The following MSH4 variants were observed in gnomAD, a reference collection of about 807,000 sequenced individuals.
The protein encoded by MSH4 is mutS protein homolog 4.
Under a neutral mutation model 113.7 loss-of-function variants are expected in MSH4, and 106 were observed. The observed-to-expected ratio is 0.93, with a 90% CI of 0.80 to 1.10. The LOEUF is 1.10. Among genes scored for constraint, MSH4 ranks in the 50% least tolerant of loss-of-function variants. The pLI, the probability that MSH4 is intolerant of heterozygous loss-of-function variation, is 0.00. For synonymous variants in MSH4, 368 were observed against 380.2 expected (o/e 0.97, Z 0.37); for missense variants, 1,061 against 1,093.7 (o/e 0.97, Z 0.42).
Position 75,803,735 on chromosome 1 carries a change from A to G in MSH4, c.249A>G (p.Ser83=), listed in dbSNP as rs1473893851. The stretch of plus-strand genomic sequence containing the variant: ...CTGTTAATTTTTCAAATTTAGGTTC[A>G]TACTTTGGAAACAAAAGAGCTTATG... ...PAPNSRPAQG[S]YFGNKRAYAE... Residue 83 remains serine, a synonymous_variant, in exon 2 of 20, where the codon TCA becomes TCG. Transcript: ENST00000263187. 1.3e-6 allele frequency: 2 copies of G among 1,567,026 alleles called. No individual in the cohort carries two copies. Among genetic ancestry groups the G allele is most frequent in the Non-Finnish European group, 1.7e-6 (2 of 1,161,382 alleles).
chr1:75,844,920 C>G (rs1358589769), intron 7 of MSH4, among the ~76,000 whole-genome samples: 3 of 152,198 alleles, frequency 2.0e-5, no homozygotes, highest in Non-Finnish European at 4.4e-5. Context: ...TGGTGAGGGC[C>G]TTCTTGATGC....
rs527628164 is a variant in MSH4 at position 75,829,917 on chromosome 1, G to A, written c.1162+7336G>A. On this transcript the variant is annotated intron_variant, in intron 7 of 19. Transcript: ENST00000263187. ...AGGAACGCAGCTCCTTGCCAGCAAC[G>A]GAACAAAGCTGGAAGGAGAATGACA... Among the ~76,000 whole-genome samples the A allele has an allele frequency of 7.6e-4, 115 of 152,224 alleles. 1 individual carries two copies. The highest frequency in any genetic ancestry group is 1.1e-3 in the Non-Finnish European group (74 of 68,014).
intron 8 of MSH4, among the ~76,000 whole-genome samples, chr1:75,858,228 T>G (rs1366191647): frequency 6.6e-6 from 1 of 152,222 alleles, no homozygotes; most frequent in Non-Finnish European, 1.5e-5. Flanking sequence ...CAATTTGACT[T>G]CCTCTCTTCC....
Position 75,860,552 on chromosome 1 carries a change from G to A in MSH4, c.1231-6962G>A, listed in dbSNP as rs186243440. Among the ~76,000 whole-genome samples, 149 of 152,260 alleles carry A rather than the reference G, an allele frequency of 9.8e-4. 1 individual carries two copies. The highest frequency in any genetic ancestry group is 3.4e-3 in the African/African-American group (143 of 41,546). ...TAGTTTGGCTGGATATGAAATTATG[G>A]GTTGAAAATTCTTTTCTTTAAGAAT... On this transcript the variant is annotated intron_variant, in intron 8 of 19. Transcript: ENST00000263187.
At position 75,889,194 on chromosome 1, in the gene MSH4, A is replaced by T. The variant is rs2100581635; in HGVS notation, c.2108-57A>T. ...AATAATCTGAGAAGTACAAAATGTT[A>T]TTAGTAATTATATTTTATAAACACA... On this transcript the variant is annotated intron_variant, in intron 15 of 19. Coordinates refer to ENST00000263187, the MANE Select transcript of MSH4 (RefSeq NM_002440.4). 1.2e-5 allele frequency: 10 copies of T among 813,064 alleles called. No homozygotes were observed. In the South Asian group the frequency reaches 1.6e-4, roughly 13 times the overall value. The allele number at this position is 813,064 out of a possible 1,614,324, so 50.4% of individuals were successfully genotyped here.
chr1:75,874,185 C>CT (rs1168826769), intron 9 of MSH4, among the ~76,000 whole-genome samples: 12 of 151,852 alleles, frequency 7.9e-5, no homozygotes, highest in Admixed American at 6.6e-4. Context: ...TGATATTGAG[C>CT]TTTTTTTTCA....
chr1:75,818,607 T>C (rs1650339164), intron 6 of MSH4, among the ~76,000 whole-genome samples: 1 of 152,224 alleles, frequency 6.6e-6, no homozygotes, highest in Non-Finnish European at 1.5e-5. Context: ...ATTATTGTTG[T>C]CATGATTCCC....
chr1:75,912,920 C>T lies in MSH4; in HGVS notation c.*33C>T. ...TCTAATGTAATAATATATCTTAATTCAAGGAACCTAGAATTTATTTTTCTC... is the reference window on the plus strand; with the variant it reads ...TCTAATGTAATAATATATCTTAATTTAAGGAACCTAGAATTTATTTTTCTC... On this transcript the variant is annotated 3_prime_UTR_variant, in exon 20 of 20. Coordinates refer to ENST00000263187, the MANE Select transcript of MSH4 (RefSeq NM_002440.4). 5.4e-6 allele frequency: 7 copies of T among 1,296,926 alleles called. No homozygotes were observed. Among genetic ancestry groups the T allele is most frequent in the Non-Finnish European group, 7.1e-6 (7 of 980,538 alleles). The allele number at this position is 1,296,926 out of a possible 1,614,324, so 80.3% of individuals were successfully genotyped here.
chr1:75,814,171 A>G (rs573755722), intron 4 of MSH4, among the ~76,000 whole-genome samples: 2 of 151,746 alleles, frequency 1.3e-5, no homozygotes, highest in African/African-American at 4.8e-5. Flanking sequence ...TCCATTATCA[A>G]CCGGGTGCTG....
intron 14 of MSH4, among the ~76,000 whole-genome samples, chr1:75,882,515 C>G (rs1388223849): frequency 6.6e-6 from 1 of 151,840 alleles, no homozygotes; most frequent in Non-Finnish European, 1.5e-5. Flanking sequence ...CTTCTCTATT[C>G]TCATTCTCTG....
At chr1:75,866,970 T>C (rs889891071) in intron 8 of MSH4, among the ~76,000 whole-genome samples, 8 of 152,126 alleles carry the variant, frequency 5.3e-5, no homozygotes, top group Non-Finnish European at 1.0e-4. Flanking sequence ...AATTCTAGAG[T>C]GCAATTTAAT....
intron 17 of MSH4, among the ~76,000 whole-genome samples, chr1:75,894,055 A>T (rs1652318738): frequency 6.6e-6 from 1 of 152,174 alleles, no homozygotes; most frequent in Non-Finnish European, 1.5e-5. Context: ...TTTTACCATG[A>T]CTATGAGAAA....
At chr1:75,870,145 C>T (rs1390602946) in intron 9 of MSH4, among the ~76,000 whole-genome samples, 1 of 152,208 alleles carries the variant, frequency 6.6e-6, no homozygotes, top group East Asian at 1.9e-4. Context: ...TTGACTGTCC[C>T]ACTGGATTTT....
chr1:75,807,148 A>T lies in MSH4; in HGVS notation c.588+7A>T. On this transcript the variant is annotated splice_region_variant and intron_variant, in intron 3 of 19. Coordinates refer to ENST00000263187, the MANE Select transcript of MSH4 (RefSeq NM_002440.4). Reference sequence around the variant, plus strand: ...CAACACAACATATGCAAAGGTAAGTATTAATAATTCTAGAAAATGGTTGCT... The same window carrying T: ...CAACACAACATATGCAAAGGTAAGTTTTAATAATTCTAGAAAATGGTTGCT... 6.5e-7 allele frequency: 1 copy of T among 1,529,528 alleles called. No individual in the cohort carries two copies. 94.7% of individuals were successfully genotyped at this position (1,529,528 alleles called of 1,614,324 possible). A position where few individuals can be genotyped will look rare whatever the true frequency, so the allele number is the denominator to read the frequency against.
chr1:75,905,736 G>T (rs1652612357), intron 19 of MSH4, among the ~76,000 whole-genome samples: 1 of 151,964 alleles, frequency 6.6e-6, no homozygotes, highest in Non-Finnish European at 1.5e-5. Context: ...GTCCACTGTT[G>T]GGTGAATATA....
chr1:75,898,054 A>G lies in MSH4; in HGVS notation c.2503A>G (p.Lys835Glu). 6.3e-7 allele frequency: 1 copy of G among 1,591,634 alleles called. No homozygotes were observed. ...EAILYTYKLS[K>E]GLTEEKNYGL... ...AATTTTGTATACCTACAAACTTTCT[A>G]AGGGACTCACAGAAGAGAAAAATTA... Residue 835 changes from lysine (K) to glutamate (E), a missense_variant, in exon 18 of 20, where the codon AAG (lysine) becomes GAG (glutamate). Transcript: ENST00000263187.
At chr1:75,865,996 C>A (rs1017766539) in intron 8 of MSH4, among the ~76,000 whole-genome samples, 1 of 152,066 alleles carries the variant, frequency 6.6e-6, no homozygotes, top group Admixed American at 6.6e-5. Context: ...AATCGAGTGC[C>A]CATATATATG....
intron 15 of MSH4, among the ~76,000 whole-genome samples, chr1:75,888,128 C>T (rs572401707): frequency 6.6e-6 from 1 of 150,874 alleles, no homozygotes; most frequent in Non-Finnish European, 1.5e-5. Flanking sequence ...ATTAATCTGA[C>T]TTTTGGTTTC....
At chr1:75,867,676 CAAG>C (rs1651617495) in intron 9 of MSH4, 88 bp downstream of exon 9, 1 of 796,814 alleles carries the variant, frequency 1.3e-6, no homozygotes, top group Admixed American at 2.7e-5. Context: ...CGGAAAATTG[CAAG>C]AATAACATGG....
Sources: allele counts gnomAD v4.1 joint callset (sites outside exome capture counted in the v4.1 genomes callset), GRCh38; gene constraint gnomAD v4.1.1; transcripts MANE v1.5; gene names NCBI Gene and HGNC (gene_info 2026-07-23, HGNC 2026-07-21).